Variants in SUPT3H observed in about 807,000 individuals in gnomAD.
The protein encoded by SUPT3H is SPT3 homolog, SAGA and STAGA complex component, also known as transcription initiation protein SPT3 homolog.
Under a neutral mutation model 44.3 loss-of-function variants are expected in SUPT3H, and 44 were observed. The observed-to-expected ratio is 0.99, with a 90% CI of 0.78 to 1.28. The LOEUF (loss-of-function observed/expected upper bound fraction) is 1.28. Ranked by LOEUF, SUPT3H falls within the 50% of genes most tolerant of loss-of-function variation. The probability of loss-of-function intolerance (pLI) is 0.00; values close to 1 mark genes in which losing one functional copy is unlikely to be tolerated. For synonymous variants in SUPT3H, 124 were observed against 125.6 expected (o/e 0.99, Z 0.09); for missense variants, 380 against 387.1 (o/e 0.98, Z 0.15).
chr6:44,946,773 G>A (rs1382093005), intron 9 of SUPT3H, among the ~76,000 whole-genome samples: 1 of 152,178 alleles, frequency 6.6e-6, no homozygotes, highest in African/African-American at 2.4e-5. Flanking sequence ...AAAGGACTTA[G>A]ACTTAGTTCC....
At chr6:45,296,787 T>C (rs2149898046) in intron 2 of SUPT3H, among the ~76,000 whole-genome samples, 1 of 145,360 alleles carries the variant, frequency 6.9e-6, no homozygotes, top group East Asian at 2.0e-4. Flanking sequence ...TGCAGCGTAT[T>C]CTGCTCAGGT....
intron 2 of SUPT3H, among the ~76,000 whole-genome samples, chr6:45,267,152 G>T (rs961770755): frequency 6.6e-6 from 1 of 152,016 alleles, no homozygotes; most frequent in African/African-American, 2.4e-5. Context: ...AAATACTTCT[G>T]GTCCCAAGTA....
intron 10 of SUPT3H, among the ~76,000 whole-genome samples, chr6:44,914,573 T>C (rs1767531395): frequency 6.6e-6 from 1 of 152,222 alleles, no homozygotes; most frequent in African/African-American, 2.4e-5. Context: ...ATGATTTCTT[T>C]TGGCTGCCCT....
At chr6:45,165,187 G>A (rs1272718628) in intron 2 of SUPT3H, among the ~76,000 whole-genome samples, 1 of 152,152 alleles carries the variant, frequency 6.6e-6, no homozygotes, top group East Asian at 1.9e-4. Flanking sequence ...TACAGGCACT[G>A]ATGAAAGCTA....
At chr6:45,181,822 T>A (rs1813270558) in intron 2 of SUPT3H, among the ~76,000 whole-genome samples, 1 of 151,916 alleles carries the variant, frequency 6.6e-6, no homozygotes, top group African/African-American at 2.4e-5. Context: ...CATATGTAAC[T>A]AACCTGCACA....
chr6:44,999,759 C>A (rs1426693910), intron 6 of SUPT3H, among the ~76,000 whole-genome samples: 1 of 152,006 alleles, frequency 6.6e-6, no homozygotes, highest in Non-Finnish European at 1.5e-5. Flanking sequence ...ATACTAGAAG[C>A]TTTCAATGCT....
chr6:45,082,920 G>A (rs1796000053), intron 3 of SUPT3H, among the ~76,000 whole-genome samples: 1 of 152,030 alleles, frequency 6.6e-6, no homozygotes, highest in South Asian at 2.1e-4. Flanking sequence ...AATGACTTTA[G>A]TAAAGTTTCA....
intron 2 of SUPT3H, among the ~76,000 whole-genome samples, chr6:45,220,805 G>C (rs1032824548): frequency 1.3e-5 from 2 of 152,190 alleles, no homozygotes; most frequent in Non-Finnish European, 2.9e-5. Flanking sequence ...CATTGTGGAA[G>C]ATAGTGTGGC....
chr6:45,020,937 T>C (rs1785044704), intron 3 of SUPT3H, among the ~76,000 whole-genome samples: 1 of 151,938 alleles, frequency 6.6e-6, no homozygotes, highest in South Asian at 2.1e-4. Context: ...AATGATTTCA[T>C]GAAATTTTAT....
At chr6:45,132,968 A>C (rs1803710162) in intron 2 of SUPT3H, among the ~76,000 whole-genome samples, 1 of 152,296 alleles carries the variant, frequency 6.6e-6, no homozygotes, top group African/African-American at 2.4e-5. Flanking sequence ...CTGAGTACAC[A>C]TCCTGAACTC....
chr6:45,346,637 G>A (rs139559014), intron 2 of SUPT3H, among the ~76,000 whole-genome samples: 43 of 147,996 alleles, frequency 2.9e-4, no homozygotes, highest in Admixed American at 4.2e-4. Flanking sequence ...GTGCGATCTC[G>A]GCTCACTGCA....
At chr6:44,952,571 C>T (rs759146583) in intron 9 of SUPT3H, among the ~76,000 whole-genome samples, 7 of 152,320 alleles carry the variant, frequency 4.6e-5, no homozygotes, top group Middle Eastern at 3.4e-3. Flanking sequence ...ACTTAACCTT[C>T]TTGCTGTCTT....
intron 2 of SUPT3H, among the ~76,000 whole-genome samples, chr6:45,109,710 T>A (rs887312018): frequency 3.9e-5 from 6 of 152,224 alleles, no homozygotes; most frequent in African/African-American, 1.4e-4. Flanking sequence ...TAGTCGTTTT[T>A]GGAAAACAGA....
At chr6:45,065,533 A>G (rs374319649) in intron 3 of SUPT3H, among the ~76,000 whole-genome samples, 8 of 151,762 alleles carry the variant, frequency 5.3e-5, no homozygotes, top group Admixed American at 2.0e-4. Context: ...TGGTTTTTTG[A>G]AAGGATCAAC....
intron 3 of SUPT3H, among the ~76,000 whole-genome samples, chr6:45,090,063 C>T: frequency 6.6e-6 from 1 of 152,006 alleles, no homozygotes; most frequent in East Asian, 1.9e-4. Flanking sequence ...TAATATCAAC[C>T]AATAGCTGAA....
At chr6:45,166,966 G>GT (rs1472016210) in intron 2 of SUPT3H, among the ~76,000 whole-genome samples, 1 of 152,138 alleles carries the variant, frequency 6.6e-6, no homozygotes, top group Non-Finnish European at 1.5e-5. Flanking sequence ...CACTTTGGCA[G>GT]TTTTTTAAAC....
At chr6:45,313,005 A>G (rs1469483905) in intron 2 of SUPT3H, among the ~76,000 whole-genome samples, 3 of 152,228 alleles carry the variant, frequency 2.0e-5, no homozygotes, top group African/African-American at 7.2e-5. Context: ...CCATGCAAAT[A>G]CATGGAAATT....
At chr6:45,096,053 TA>T (rs1410301339) in intron 3 of SUPT3H, among the ~76,000 whole-genome samples, 3 of 152,118 alleles carry the variant, frequency 2.0e-5, no homozygotes, top group African/African-American at 7.2e-5. Context: ...GGAATTTCAT[TA>T]ACTCCTTCAT....
chr6:45,074,079 GT>G (rs570563899), intron 3 of SUPT3H, among the ~76,000 whole-genome samples: 173 of 152,038 alleles, frequency 1.1e-3, no homozygotes, highest in East Asian at 9.6e-4. Flanking sequence ...AACTCTATAT[GT>G]AATTTTAGTC....
Sources: allele counts gnomAD v4.1 joint callset (sites outside exome capture counted in the v4.1 genomes callset), GRCh38; gene constraint gnomAD v4.1.1; transcripts MANE v1.5; gene names NCBI Gene and HGNC (gene_info 2026-07-23, HGNC 2026-07-21).